Variants in GRM8 observed in about 807,000 individuals in gnomAD.
The protein encoded by GRM8 is metabotropic glutamate receptor 8.
Under a neutral mutation model 87.2 loss-of-function variants are expected in GRM8, and 47 were observed. The ratio of observed to expected loss-of-function variants is 0.54; its 90% confidence interval spans 0.43 to 0.69. GRM8 has a LOEUF of 0.69. GRM8 is among the 30% of genes least tolerant of loss of function. The probability of loss-of-function intolerance (pLI) is 0.00; values close to 1 mark genes in which losing one functional copy is unlikely to be tolerated. For missense variants in GRM8, 1,019 were observed against 1,139.2 expected, an observed-to-expected ratio of 0.89 and a Z score of 1.52; for synonymous variants, 396 against 404.5, an observed-to-expected ratio of 0.98 and a Z score of 0.25.
At chr7:126,521,381 C>A (rs1812958671) in intron 9 of GRM8, among the ~76,000 whole-genome samples, 2 of 151,812 alleles carry the variant, frequency 1.3e-5, no homozygotes, top group African/African-American at 4.8e-5. Flanking sequence ...AATTTTTGAA[C>A]TATTTTTTTT....
intron 9 of GRM8, among the ~76,000 whole-genome samples, chr7:126,477,978 A>G (rs150545663): frequency 5.9e-5 from 9 of 152,282 alleles, no homozygotes; most frequent in African/African-American, 2.2e-4. Flanking sequence ...TGGTGGCTGC[A>G]TAACTTCAAT....
chr7:126,451,854 T>C (rs894367383), intron 9 of GRM8, among the ~76,000 whole-genome samples: 2 of 151,664 alleles, frequency 1.3e-5, no homozygotes, highest in African/African-American at 2.4e-5. Context: ...CCATTGAAAA[T>C]TGTAACCCCC....
In GRM8 at chr7:126,701,853, T is replaced by C. The variant is rs569685526; in HGVS notation, c.1357+68012A>G. 4.9e-5 allele frequency: 50 copies of C among 1,029,296 alleles called. No individual in the cohort carries two copies. The African/African-American group carries it at 6.9e-4, about 14-fold the overall frequency. The allele number at this position is 1,029,296 out of a possible 1,614,324, so 63.8% of individuals were successfully genotyped here. On this transcript the variant is annotated intron_variant, in intron 7 of 10. Coordinates refer to ENST00000339582, the MANE Select transcript of GRM8 (RefSeq NM_000845.3). ...CTAAGAAGATAAGTCTGTCAGAGAA[T>C]AGTGATTATAATGAGTTAATGACTA...
intron 9 of GRM8, among the ~76,000 whole-genome samples, chr7:126,498,595 G>C (rs2237733): frequency 1.3e-5 from 2 of 151,786 alleles, no homozygotes; most frequent in Admixed American, 6.6e-5. Flanking sequence ...CCAGAAAAGT[G>C]GGGGGACATG....
At chr7:126,736,962 C>T (rs933856055) in intron 7 of GRM8, among the ~76,000 whole-genome samples, 1 of 152,068 alleles carries the variant, frequency 6.6e-6, no homozygotes, top group African/African-American at 2.4e-5. Flanking sequence ...TTGCTTCTAA[C>T]CTTCAAGCTG....
intron 2 of GRM8, among the ~76,000 whole-genome samples, chr7:127,182,632 G>GGTGTGTGTGTGTGTGT (rs35530710): frequency 2.8e-5 from 4 of 141,720 alleles, no homozygotes; most frequent in Admixed American, 7.1e-5. Flanking sequence ...AAGAAAGTGT[G>GGTGTGTGTGTGTGTGT]GTGTGTGTGT....
chr7:127,132,958 T>C (rs536275370), intron 2 of GRM8, among the ~76,000 whole-genome samples: 39 of 152,310 alleles, frequency 2.6e-4, no homozygotes, highest in African/African-American at 8.2e-4. Flanking sequence ...CATAAATCTC[T>C]ACCAACGTTT....
intron 2 of GRM8, among the ~76,000 whole-genome samples, chr7:127,113,474 G>T (rs13309000): frequency 2.8e-4 from 42 of 150,878 alleles, no homozygotes; most frequent in Admixed American, 1.4e-3. Flanking sequence ...GTTTTTTTTT[G>T]TTTTTTTCCC....
chr7:126,830,436 G>A (rs77687981), intron 6 of GRM8, among the ~76,000 whole-genome samples: 34 of 151,858 alleles, frequency 2.2e-4, no homozygotes, highest in East Asian at 5.8e-4. Flanking sequence ...TTCCCTTCTC[G>A]CTTCATTTCA....
chr7:126,926,483 C>T (rs1490272533), intron 3 of GRM8, among the ~76,000 whole-genome samples: 1 of 152,184 alleles, frequency 6.6e-6, no homozygotes, highest in East Asian at 1.9e-4. Flanking sequence ...TTACCTCTCA[C>T]CTGGGTTACT....
intron 3 of GRM8, among the ~76,000 whole-genome samples, chr7:126,925,771 A>C (rs545576255): frequency 6.6e-6 from 1 of 152,320 alleles, no homozygotes; most frequent in Non-Finnish European, 1.5e-5. Flanking sequence ...TATAGTCCTC[A>C]TAGGAATCAT....
chr7:126,615,404 C>A (rs556454420), intron 7 of GRM8, among the ~76,000 whole-genome samples: 1 of 152,292 alleles, frequency 6.6e-6, no homozygotes, highest in African/African-American at 2.4e-5. Context: ...CAACCAGTAC[C>A]AGCCACTGCA....
intron 3 of GRM8, among the ~76,000 whole-genome samples, chr7:127,014,953 GAGA>G (rs1198118194): frequency 1.7e-4 from 21 of 123,130 alleles, no homozygotes; most frequent in South Asian, 9.2e-4. Context: ...GAAAGAGAGA[GAGA>G]AGAAGAAGAA....
intron 3 of GRM8, among the ~76,000 whole-genome samples, chr7:126,947,573 T>A (rs2131582785): frequency 6.6e-6 from 1 of 151,994 alleles, no homozygotes; most frequent in East Asian, 1.9e-4. Context: ...TATATGTATG[T>A]GTATATATAT....
At chr7:126,630,574 C>A (rs1801157458) in intron 7 of GRM8, among the ~76,000 whole-genome samples, 2 of 151,976 alleles carry the variant, frequency 1.3e-5, no homozygotes, top group South Asian at 4.1e-4. Flanking sequence ...AGCAGAGATA[C>A]AACAACAAAA....
At chr7:127,180,289 C>A (rs948512932) in intron 2 of GRM8, among the ~76,000 whole-genome samples, 2 of 151,920 alleles carry the variant, frequency 1.3e-5, no homozygotes, top group African/African-American at 2.4e-5. Context: ...ACCCTTCTAG[C>A]TTAAATCAGT....
intron 8 of GRM8, among the ~76,000 whole-genome samples, chr7:126,557,792 T>G (rs1793307001): frequency 6.6e-6 from 1 of 152,144 alleles, no homozygotes. Flanking sequence ...TATATGTATG[T>G]GTATATTGAC....
chr7:126,924,586 C>G (rs904717435), intron 3 of GRM8, among the ~76,000 whole-genome samples: 2 of 152,122 alleles, frequency 1.3e-5, no homozygotes, highest in Admixed American at 1.3e-4. Flanking sequence ...TTCTTTCTTT[C>G]CTTCCTCCTT....
At chr7:126,839,192 T>C (rs542489847) in intron 6 of GRM8, among the ~76,000 whole-genome samples, 26 of 152,304 alleles carry the variant, frequency 1.7e-4, no homozygotes, top group Non-Finnish European at 3.5e-4. Context: ...AGGGGCATTA[T>C]TATATTCAGT....
Sources: gnomAD v4.1 joint callset for allele counts (sites outside exome capture counted in the v4.1 genomes callset) on GRCh38, gnomAD v4.1.1 for gene constraint, MANE v1.5 for transcripts, NCBI Gene and HGNC (gene_info 2026-07-23, HGNC 2026-07-21) for gene names.